The following TMEM181 variants were observed in gnomAD, a reference collection of about 807,000 sequenced individuals.
TMEM181 encodes the protein G protein-coupled receptor 178.
TMEM181 carries 39 observed loss-of-function variants against 71.9 expected under a neutral mutation model. That is an observed-to-expected ratio of 0.54 (90% CI 0.42 to 0.71). The LOEUF (loss-of-function observed/expected upper bound fraction) is 0.71. TMEM181 is among the 30% of genes least tolerant of loss of function. The probability of loss-of-function intolerance (pLI) is 0.00; values close to 1 mark genes in which losing one functional copy is unlikely to be tolerated. For missense variants in TMEM181, 595 were observed against 583.0 expected, an observed-to-expected ratio of 1.02 and a Z score of -0.21; for synonymous variants, 245 against 228.8, an observed-to-expected ratio of 1.07 and a Z score of -0.64.
chr6:158,573,598 G>A (rs186951203), intron 2 of TMEM181, 75 bp downstream of exon 2: 43 of 1,278,304 alleles, frequency 3.4e-5, no homozygotes, highest in Middle Eastern at 3.7e-4. Context: ...GGTCAGCCCA[G>A]CTGTGCCCCT....
intron 1 of TMEM181, chr6:158,572,554 G>A (rs566715843): frequency 1.6e-4 from 73 of 448,952 alleles, no homozygotes; most frequent in African/African-American, 1.2e-3. Context: ...AGCCATGCTC[G>A]TGCGTCCTGT....
At chr6:158,577,877 G>A (rs1182790077) in intron 2 of TMEM181, among the ~76,000 whole-genome samples, 1 of 152,118 alleles carries the variant, frequency 6.6e-6, no homozygotes, top group Non-Finnish European at 1.5e-5. Context: ...GATCACCTGA[G>A]GTCGGGAGTT....
At chr6:158,558,012 T>A (rs1196352934), upstream of TMEM181, among the ~76,000 whole-genome samples, 1 of 152,196 alleles carries the variant, frequency 6.6e-6, no homozygotes, top group Non-Finnish European at 1.5e-5. Context: ...GCCATGTGGT[T>A]GTTCACATCC....
rs549434432 is a variant in TMEM181 at position 158,634,615 on chromosome 6, T to A, written c.*2727T>A. ...ATTTATTATTAAATCATTATAGCAG[T>A]GAAGTGGTGCCATTTTCTCTCTCTT... On this transcript the variant is annotated 3_prime_UTR_variant, in exon 17 of 17. Coordinates refer to ENST00000684151, the MANE Select transcript of TMEM181 (RefSeq NM_001376852.1). The A allele has an allele frequency of 1.1e-4, 17 of 152,214 alleles. No homozygotes were observed. Among genetic ancestry groups the A allele is most frequent in the Non-Finnish European group, 2.2e-4 (15 of 68,036 alleles). The allele number at this position is 152,214 out of a possible 1,614,324, so 9.4% of individuals were successfully genotyped here. A position where few individuals can be genotyped will look rare whatever the true frequency, so the allele number is the denominator to read the frequency against.
chr6:158,575,169 T>C (rs573615821), intron 2 of TMEM181, among the ~76,000 whole-genome samples: 193 of 152,362 alleles, frequency 1.3e-3, no homozygotes, highest in African/African-American at 4.5e-3. Flanking sequence ...CAGCACCCTG[T>C]GGCCCAGTCA....
intron 2 of TMEM181, among the ~76,000 whole-genome samples, chr6:158,577,254 A>G (rs1002326025): frequency 3.9e-5 from 6 of 152,126 alleles, no homozygotes; most frequent in Non-Finnish European, 4.4e-5. Context: ...CAAGAAAACA[A>G]TGTATGAATA....
At chr6:158,628,218 G>A in intron 13 of TMEM181, 190 bp from the exon 14 acceptor site, 1 of 710,214 alleles carries the variant, frequency 1.4e-6, no homozygotes, top group Non-Finnish European at 2.5e-6. Context: ...CCAAAAACCA[G>A]AAGCAGGGGC....
At chr6:158,582,957 G>T (rs540362455) in intron 3 of TMEM181, among the ~76,000 whole-genome samples, 1 of 152,274 alleles carries the variant, frequency 6.6e-6, no homozygotes, top group East Asian at 1.9e-4. Flanking sequence ...ATTCTTGGCC[G>T]GGCGCAGTGG....
intron 2 of TMEM181, among the ~76,000 whole-genome samples, chr6:158,577,975 A>G (rs1409871011): frequency 6.6e-6 from 1 of 152,148 alleles, no homozygotes; most frequent in Non-Finnish European, 1.5e-5. Flanking sequence ...CTGTAATCCT[A>G]GCTACTTGGG....
chr6:158,625,287 G>GC, intron 12 of TMEM181, 81 bp downstream of exon 12: 1 of 1,250,550 alleles, frequency 8.0e-7, no homozygotes. Flanking sequence ...AGTCTCCCAA[G>GC]CCAGGGGCCT....
intron 6 of TMEM181, among the ~76,000 whole-genome samples, chr6:158,596,157 T>C (rs980922797): frequency 6.6e-6 from 1 of 152,262 alleles, no homozygotes; most frequent in African/African-American, 2.4e-5. Flanking sequence ...CCTGACCTCA[T>C]GATCCGCCCG....
intron 2 of TMEM181, among the ~76,000 whole-genome samples, chr6:158,577,061 CAAA>C (rs5881280): frequency 2.6e-4 from 20 of 76,016 alleles, no homozygotes; most frequent in East Asian, 6.9e-4. Context: ...GACTCCATCT[CAAA>C]AAAAAAAAAA....
intron 6 of TMEM181, 52 bp from the exon 7 acceptor site, chr6:158,605,215 C>T: frequency 7.1e-7 from 1 of 1,406,882 alleles, no homozygotes; most frequent in Non-Finnish European, 1.0e-6. Flanking sequence ...TGTATTTTCT[C>T]TTAGATGCAT....
At chr6:158,602,114 C>G (rs1310620136) in intron 6 of TMEM181, among the ~76,000 whole-genome samples, 1 of 152,216 alleles carries the variant, frequency 6.6e-6, no homozygotes, top group Non-Finnish European at 1.5e-5. Flanking sequence ...TGGGAAGTCA[C>G]TGATCTGTTA....
chr6:158,612,525 A>C (rs897536501), intron 10 of TMEM181, among the ~76,000 whole-genome samples: 1 of 152,172 alleles, frequency 6.6e-6, no homozygotes, highest in African/African-American at 2.4e-5. Flanking sequence ...TCCTAGGCTT[A>C]TTATTAGGAG....
chr6:158,608,778 T>G, intron 10 of TMEM181, 28 bp downstream of exon 10: 1 of 1,597,340 alleles, frequency 6.3e-7, no homozygotes, highest in Non-Finnish European at 8.5e-7. Context: ...GTGTGAAACT[T>G]CAGTCATGAA....
chr6:158,610,727 G>C, intron 10 of TMEM181: 1 of 297,114 alleles, frequency 3.4e-6, no homozygotes, highest in Non-Finnish European at 6.4e-6. Context: ...GTTGGGGGAA[G>C]AATCACTCAG....
chr6:158,597,243 A>G (rs552594010), intron 6 of TMEM181, among the ~76,000 whole-genome samples: 2 of 152,190 alleles, frequency 1.3e-5, no homozygotes, highest in Non-Finnish European at 2.9e-5. Context: ...TTAAATGTTT[A>G]TCTTTTAAGT....
chr6:158,605,100 C>T (rs1430958560), intron 6 of TMEM181, among the ~76,000 whole-genome samples, 167 bp from the exon 7 acceptor site: 4 of 127,532 alleles, frequency 3.1e-5, no homozygotes, highest in Admixed American at 1.7e-4. Context: ...GGCGATAGAG[C>T]GAGACTCCAT....
Sources: gnomAD v4.1 joint callset for allele counts (sites outside exome capture counted in the v4.1 genomes callset) on GRCh38, gnomAD v4.1.1 for gene constraint, MANE v1.5 for transcripts, NCBI Gene and HGNC (gene_info 2026-07-23, HGNC 2026-07-21) for gene names.